The following PCDHGB2 variants were observed in gnomAD, a reference collection of about 807,000 sequenced individuals.
PCDHGB2 encodes protocadherin gamma subfamily B, 2, also known as protocadherin gamma-B2.
PCDHGB2 carries 55 observed loss-of-function variants against 59.3 expected under a neutral mutation model. That is an observed-to-expected ratio of 0.93 (90% CI 0.75 to 1.16). PCDHGB2 has a LOEUF of 1.16. Among genes scored for constraint, PCDHGB2 ranks in the 50% most tolerant of loss-of-function variants. PCDHGB2 has a pLI of 0.00. For missense variants in PCDHGB2, 1,228 were observed against 1,198.5 expected (o/e 1.02, Z -0.36); for synonymous variants, 516 against 512.0 (o/e 1.01, Z -0.11).
intron 1 of PCDHGB2, chr5:141,430,441 C>A (rs1168234012): frequency 5.2e-6 from 1 of 192,346 alleles, no homozygotes; most frequent in Non-Finnish European, 1.0e-5. Flanking sequence ...GATTTCCATC[C>A]CCTTTTGAAG....
At chr5:141,407,135 G>T (rs2094890312) in intron 1 of PCDHGB2, among the ~76,000 whole-genome samples, 1 of 151,812 alleles carries the variant, frequency 6.6e-6, no homozygotes, top group African/African-American at 2.4e-5. Context: ...TTATTTTTAA[G>T]AAAAAAAAGC....
rs190955361 is a variant in PCDHGB2, at chr5:141,486,090, G to A, written c.2422-8717G>A. On this transcript the variant is annotated intron_variant, in intron 1 of 3. Transcript: ENST00000522605. The surrounding 1 kb of genome is among the most constrained non-coding windows in gnomAD (Gnocchi z 5.0). ...ACTACTGGAAAGCTTACTCTTTTGG[G>A]GCCCCTAGACTTTGAGAGTGAGAAT... 3 of 1,614,086 alleles carry A rather than the reference G, an allele frequency of 1.9e-6. No homozygotes were observed. The highest frequency in any genetic ancestry group is 1.6e-4 in the Middle Eastern group (1 of 6,062).
intron 1 of PCDHGB2, chr5:141,394,176 G>A: frequency 6.2e-7 from 1 of 1,613,790 alleles, no homozygotes; most frequent in Non-Finnish European, 8.5e-7. Flanking sequence ...TTTCCCTCAT[G>A]CCTCCTACTC....
intron 2 of PCDHGB2, among the ~76,000 whole-genome samples, chr5:141,500,431 G>A (rs1340129330): frequency 6.6e-6 from 1 of 151,476 alleles, no homozygotes; most frequent in Non-Finnish European, 1.5e-5. Flanking sequence ...GGATGGTCTC[G>A]ATCTCCTGAC....
chr5:141,399,817 G>T (rs369747431), intron 1 of PCDHGB2: 1 of 1,613,224 alleles, frequency 6.2e-7, no homozygotes, highest in South Asian at 1.1e-5. Flanking sequence ...CCCCGCGCTG[G>T]GTCCCGACGG....
rs1182148013 is a variant in PCDHGB2, at chr5:141,431,510, G to C, written c.2422-63297G>C. On this transcript the variant is annotated intron_variant, in intron 1 of 3. Transcript: ENST00000522605. This position sits in a 1 kb window ranked among gnomAD's most constrained non-coding sequence, Gnocchi z 4.8. ...TGCTCAGCCCGAGTACCGCGCGAGC[G>C]TTCCGGAGAATCTGGCCTTGGGCAC... 6.2e-7 allele frequency: 1 copy of C among 1,614,022 alleles called. No homozygotes were observed. The highest frequency in any genetic ancestry group is 8.5e-7 in the Non-Finnish European group (1 of 1,180,026).
intron 1 of PCDHGB2, among the ~76,000 whole-genome samples, chr5:141,464,557 C>A (rs1342964264): frequency 6.6e-6 from 1 of 152,132 alleles, no homozygotes; most frequent in Non-Finnish European, 1.5e-5. Context: ...CCCCATCTTG[C>A]ATTCCTACAA....
chr5:141,481,679 C>T (rs2099541734), intron 1 of PCDHGB2, among the ~76,000 whole-genome samples: 1 of 151,948 alleles, frequency 6.6e-6, no homozygotes, highest in Non-Finnish European at 1.5e-5. Context: ...TCAGGCCGGG[C>T]CTGGTGGCTC....
chr5:141,474,557 G>A (rs1261720500), intron 1 of PCDHGB2, among the ~76,000 whole-genome samples: 1 of 152,184 alleles, frequency 6.6e-6, no homozygotes, highest in African/African-American at 2.4e-5. Context: ...AAAACTGGGG[G>A]TTTTCAGAGA....
At chr5:141,379,744 G>A (rs1333166422) in intron 1 of PCDHGB2, 1 of 152,052 alleles carries the variant, frequency 6.6e-6, no homozygotes, top group African/African-American at 2.4e-5. Flanking sequence ...GCTAAATGAG[G>A]TTCTTTAATC....
chr5:141,409,887 T>C, intron 1 of PCDHGB2: 2 of 1,613,062 alleles, frequency 1.2e-6, no homozygotes, highest in Admixed American at 1.7e-5. Context: ...GCACCGCGGG[T>C]GCTGTACCCA....
intron 1 of PCDHGB2, chr5:141,403,457 A>G: frequency 6.2e-7 from 1 of 1,613,982 alleles, no homozygotes; most frequent in Non-Finnish European, 8.5e-7. Context: ...CTCCCTCCAG[A>G]GCTACCAGCT....
intron 1 of PCDHGB2, chr5:141,409,520 T>A (rs1177702875): frequency 6.2e-7 from 1 of 1,613,848 alleles, no homozygotes; most frequent in East Asian, 2.2e-5. Flanking sequence ...AAGCATCACC[T>A]TGTATGTCGC....
intron 1 of PCDHGB2, chr5:141,478,942 C>G: frequency 1.7e-6 from 1 of 579,218 alleles, no homozygotes; most frequent in Non-Finnish European, 2.9e-6. Context: ...TCTAGGAATA[C>G]AAAAACTACC....
rs1762247949 is a variant in PCDHGB2, at chr5:141,361,947, G to A, written c.1812G>A (p.Leu604=). 7 of 1,604,064 alleles carry A rather than the reference G, an allele frequency of 4.4e-6. No individual in the cohort carries two copies. The highest frequency in any genetic ancestry group is 5.9e-6 in the Non-Finnish European group (7 of 1,177,392). The change falls in exon 1 of 4, where the codon CTG becomes CTA. Residue 604 remains leucine, a synonymous_variant. Transcript: ENST00000522605. ...CAGACTCAGGACACAACGCTTGGCT[G>A]TCCTACCACGTGCTGCAGGCCAGCG... The part of the protein sequence containing the change: ...VDADSGHNAW[L]SYHVLQASEP...
intron 1 of PCDHGB2, among the ~76,000 whole-genome samples, chr5:141,450,503 T>G (rs1196541899): frequency 3.3e-5 from 5 of 152,258 alleles, no homozygotes; most frequent in Admixed American, 6.5e-5. Context: ...TTGTTTGTTT[T>G]GAGATGGAGT....
Position 141,361,609 on chromosome 5 carries a change from G to C in PCDHGB2, c.1474G>C (p.Val492Leu). The C allele has an allele frequency of 1.2e-6, 2 of 1,613,956 alleles. No individual in the cohort carries two copies. Among genetic ancestry groups the C allele is most frequent in the Middle Eastern group, 1.6e-4 (1 of 6,062 alleles). ...GPSGQVSYSI[V>L]ASDLKPREIL... ...CAGTGGCCAAGTTTCCTACTCCATC[G>C]TAGCGAGCGACCTGAAGCCGCGGGA... The change falls in exon 1 of 4, where the codon GTA becomes CTA. Residue 492 changes from valine (V) to leucine (L), a missense_variant. This residue lies in a region of PCDHGB2 where 781 missense variants were observed against 721.6 expected (regional missense o/e 1.08). Transcript: ENST00000522605.
At chr5:141,438,635 T>TAC (rs56854727) in intron 1 of PCDHGB2, among the ~76,000 whole-genome samples, 5 of 33,422 alleles carry the variant, frequency 1.5e-4, no homozygotes, top group Admixed American at 8.3e-4. Flanking sequence ...TATATATATA[T>TAC]ACACACACAC....
In PCDHGB2 at chr5:141,432,867, T is replaced by C; in HGVS notation, c.2422-61940T>C. ...GTAGCGGTGGCCGCGGTCTCCTGCG[T>C]CTTCCTGGCCTTCGTCATCTTGCTG... On this transcript the variant is annotated intron_variant, in intron 1 of 3. Coordinates refer to ENST00000522605, the MANE Select transcript of PCDHGB2 (RefSeq NM_018923.3). The surrounding 1 kb of genome is among the most constrained non-coding windows in gnomAD (Gnocchi z 6.0). 2 of 1,614,182 alleles carry C rather than the reference T, an allele frequency of 1.2e-6. No individual in the cohort carries two copies. The highest frequency in any genetic ancestry group is 1.7e-6 in the Non-Finnish European group (2 of 1,180,010).
Sources: gnomAD v4.1 joint callset for allele counts (sites outside exome capture counted in the v4.1 genomes callset) on GRCh38, gnomAD v4.1.1 for gene constraint, gnomAD v4.1.1 regional missense constraint, Gnocchi (gnomAD v3.1) non-coding constraint, MANE v1.5 for transcripts, NCBI Gene and HGNC (gene_info 2026-07-23, HGNC 2026-07-21) for gene names.